Variants in CAMKMT observed in about 807,000 individuals in gnomAD.
The protein encoded by CAMKMT is CaM KMT.
In CAMKMT, 53 loss-of-function variants were observed where a neutral mutation model predicts 48.0. The observed-to-expected ratio is 1.10, with a 90% CI of 0.89 to 1.39. The LOEUF (loss-of-function observed/expected upper bound fraction) is 1.39. Among genes scored for constraint, CAMKMT ranks in the 40% most tolerant of loss-of-function variants. The probability of loss-of-function intolerance (pLI) is 0.00; values close to 1 mark genes in which losing one functional copy is unlikely to be tolerated. For synonymous variants in CAMKMT, 165 were observed against 152.3 expected, an observed-to-expected ratio of 1.08 and a Z score of -0.61; for missense variants, 428 against 402.7, an observed-to-expected ratio of 1.06 and a Z score of -0.54.
In CAMKMT at chr2:44,703,458, A is replaced by G. The variant is rs566869704; in HGVS notation, c.377-825A>G. 3.5e-4 allele frequency among the ~76,000 whole-genome samples: 53 copies of G among 152,270 alleles called. 1 individual carries two copies. The highest frequency in any genetic ancestry group is 1.2e-3 in the African/African-American group (50 of 41,574). On this transcript the variant is annotated intron_variant, in intron 3 of 10. Coordinates refer to ENST00000378494, the MANE Select transcript of CAMKMT (RefSeq NM_024766.5). ...AAATTAAAATTTCTTAATCTTACAC[A>G]GCAGTTTGATTTTATTTAACTGAAG...
chr2:44,688,890 A>G (rs767405317), intron 3 of CAMKMT, among the ~76,000 whole-genome samples: 20 of 152,232 alleles, frequency 1.3e-4, no homozygotes, highest in Non-Finnish European at 7.3e-5. Flanking sequence ...CATCTGGAAC[A>G]TGCACCTCCT....
intron 3 of CAMKMT, among the ~76,000 whole-genome samples, chr2:44,659,158 A>C (rs1398125092): frequency 1.4e-5 from 2 of 147,524 alleles, no homozygotes; most frequent in Non-Finnish European, 3.0e-5. Flanking sequence ...ACAGTGGCTC[A>C]CACCTGTAAC....
intron 3 of CAMKMT, chr2:44,549,459 T>G (rs1667585738): frequency 1.5e-6 from 1 of 666,486 alleles, no homozygotes; most frequent in African/African-American, 1.8e-5. Context: ...CAGTTTTTCC[T>G]GTCCAGTCAC....
At chr2:44,629,394 C>G (rs1445422034) in intron 3 of CAMKMT, among the ~76,000 whole-genome samples, 2 of 151,276 alleles carry the variant, frequency 1.3e-5, no homozygotes, top group Non-Finnish European at 2.9e-5. Flanking sequence ...TTATGTTTTA[C>G]CTACCTATCT....
At chr2:44,387,104 G>A (rs144714128) in intron 2 of CAMKMT, among the ~76,000 whole-genome samples, 3,719 of 152,228 alleles carry the variant, frequency 0.024, 171 homozygotes, top group African/African-American at 0.086. Context: ...GTCTAGTGCT[G>A]TCAGTGGAGT....
intron 3 of CAMKMT, among the ~76,000 whole-genome samples, chr2:44,466,234 C>G (rs1386519474): frequency 6.6e-6 from 1 of 152,198 alleles, no homozygotes; most frequent in Non-Finnish European, 1.5e-5. Context: ...ACATTTTTCT[C>G]AAGCACATAT....
chr2:44,681,364 C>T (rs1462260807), intron 3 of CAMKMT, among the ~76,000 whole-genome samples: 1 of 152,122 alleles, frequency 6.6e-6, no homozygotes, highest in South Asian at 2.1e-4. Context: ...AGCTGATCCC[C>T]TACCGCTCAT....
chr2:44,552,361 G>A (rs1178133511), intron 3 of CAMKMT, among the ~76,000 whole-genome samples: 1 of 152,104 alleles, frequency 6.6e-6, no homozygotes, highest in East Asian at 1.9e-4. Flanking sequence ...TAACAAGACA[G>A]GCAAACTGAA....
chr2:44,612,534 A>G (rs1671656480), intron 3 of CAMKMT, among the ~76,000 whole-genome samples: 1 of 152,216 alleles, frequency 6.6e-6, no homozygotes, highest in Non-Finnish European at 1.5e-5. Flanking sequence ...ACAGTTATGG[A>G]TATTTCCCTA....
At chr2:44,469,891 A>G (rs903267738) in intron 3 of CAMKMT, among the ~76,000 whole-genome samples, 2 of 150,548 alleles carry the variant, frequency 1.3e-5, no homozygotes, top group African/African-American at 4.9e-5. Context: ...TTTCATTTCT[A>G]ATTTTTTTTT....
intron 3 of CAMKMT, among the ~76,000 whole-genome samples, chr2:44,687,395 G>A (rs752285915): frequency 6.6e-6 from 1 of 152,140 alleles, no homozygotes; most frequent in Non-Finnish European, 1.5e-5. Context: ...CTCGCCCAGT[G>A]CAACATATAG....
intron 3 of CAMKMT, among the ~76,000 whole-genome samples, chr2:44,546,483 G>A (rs770754017): frequency 6.6e-6 from 1 of 152,172 alleles, no homozygotes; most frequent in Non-Finnish European, 1.5e-5. Context: ...GAGTCCAGCA[G>A]GCCTTTGATT....
At chr2:44,459,993 G>T (rs2104615916) in intron 3 of CAMKMT, among the ~76,000 whole-genome samples, 1 of 152,320 alleles carries the variant, frequency 6.6e-6, no homozygotes, top group Non-Finnish European at 1.5e-5. Flanking sequence ...GGACCATTAA[G>T]CTCTGGAAGC....
At chr2:44,572,502 T>C (rs544165865) in intron 3 of CAMKMT, among the ~76,000 whole-genome samples, 2 of 152,378 alleles carry the variant, frequency 1.3e-5, no homozygotes, top group South Asian at 2.1e-4. Context: ...CATGTATATA[T>C]TAATACTATA....
chr2:44,689,390 C>T (rs1246191881), intron 3 of CAMKMT, among the ~76,000 whole-genome samples: 4 of 151,486 alleles, frequency 2.6e-5, no homozygotes, highest in Non-Finnish European at 4.4e-5. Flanking sequence ...CCTCCGCCTC[C>T]CCGGTTCAAG....
At chr2:44,595,324 A>G (rs2103835133) in intron 3 of CAMKMT, among the ~76,000 whole-genome samples, 1 of 152,280 alleles carries the variant, frequency 6.6e-6, no homozygotes, top group Admixed American at 6.5e-5. Context: ...AGGATTATAA[A>G]TGAACTCCCG....
At chr2:44,588,250 C>G (rs1670004963) in intron 3 of CAMKMT, among the ~76,000 whole-genome samples, 1 of 51,610 alleles carries the variant, frequency 1.9e-5, no homozygotes. Flanking sequence ...GGCAGCCACC[C>G]CGTCTGGGAA....
rs111397474 is a variant in CAMKMT at position 44,647,314 on chromosome 2, T to C, written c.377-56969T>C. 2.0e-3 allele frequency among the ~76,000 whole-genome samples: 307 copies of C among 152,292 alleles called. No individual in the cohort carries two copies. The Middle Eastern group carries it at 0.024, about 12-fold the overall frequency. On this transcript the variant is annotated intron_variant, in intron 3 of 10. Transcript: ENST00000378494. ...TCAGTTTTCCTTTTTCAGTTACCCCTTTTCGTAAAGTGTCACGTTGGTTTA... is the reference window on the plus strand; with the variant it reads ...TCAGTTTTCCTTTTTCAGTTACCCCCTTTCGTAAAGTGTCACGTTGGTTTA...
intron 3 of CAMKMT, among the ~76,000 whole-genome samples, chr2:44,599,771 G>T (rs1443826464): frequency 6.6e-6 from 1 of 151,290 alleles, no homozygotes; most frequent in Non-Finnish European, 1.5e-5. Context: ...GCCTGGATTG[G>T]GCTATTTCTG....
Sources: gnomAD v4.1 joint callset for allele counts (sites outside exome capture counted in the v4.1 genomes callset) on GRCh38, gnomAD v4.1.1 for gene constraint, MANE v1.5 for transcripts, NCBI Gene and HGNC (gene_info 2026-07-23, HGNC 2026-07-21) for gene names.